Variants in NTN4 observed in about 807,000 individuals in gnomAD.
NTN4 encodes netrin 4.
NTN4 carries 32 observed loss-of-function variants against 73.6 expected under a neutral mutation model. That is an observed-to-expected ratio of 0.44 (90% CI 0.33 to 0.58). The LOEUF is 0.58. Among genes scored for constraint, NTN4 ranks in the 20% least tolerant of loss-of-function variants. The pLI, the probability that NTN4 is intolerant of heterozygous loss-of-function variation, is 0.04. For missense variants in NTN4, 654 were observed against 798.3 expected, an observed-to-expected ratio of 0.82 and a Z score of 2.18; for synonymous variants, 258 against 287.5, an observed-to-expected ratio of 0.90 and a Z score of 1.04.
At chr12:95,693,036 C>A (rs1484083941) in intron 5 of NTN4, among the ~76,000 whole-genome samples, 3 of 151,884 alleles carry the variant, frequency 2.0e-5, no homozygotes, top group Non-Finnish European at 4.4e-5. Context: ...CTAGATGAAA[C>A]GTATTCGTAT....
chr12:95,709,683 A>G (rs966698551), intron 5 of NTN4, among the ~76,000 whole-genome samples: 2 of 151,898 alleles, frequency 1.3e-5, no homozygotes, highest in Admixed American at 1.3e-4. Context: ...ACAGGCCTAC[A>G]GCACCATACC....
chr12:95,709,628 G>A (rs897887482), intron 5 of NTN4, among the ~76,000 whole-genome samples: 8 of 150,448 alleles, frequency 5.3e-5, no homozygotes, highest in Admixed American at 4.6e-4. Flanking sequence ...CTGCCTGCTG[G>A]ATTCAAGCCA....
At chr12:95,759,392 G>C (rs1189018708) in intron 2 of NTN4, among the ~76,000 whole-genome samples, 1 of 151,108 alleles carries the variant, frequency 6.6e-6, no homozygotes, top group African/African-American at 2.4e-5. Context: ...CATCTTTTCT[G>C]TCTGTGATTC....
intron 2 of NTN4, among the ~76,000 whole-genome samples, chr12:95,769,847 C>A (rs901235827): frequency 5.3e-5 from 8 of 149,628 alleles, no homozygotes; most frequent in Non-Finnish European, 1.2e-4. Context: ...ACCTCCATCT[C>A]CTGGGTTCAA....
chr12:95,753,422 T>C (rs1266379881), intron 2 of NTN4, among the ~76,000 whole-genome samples: 2 of 146,884 alleles, frequency 1.4e-5, no homozygotes, highest in African/African-American at 2.5e-5. Context: ...GAAACTAAAA[T>C]ACCTCTTAGT....
chr12:95,738,528 AAGAG>A (rs369546935), intron 2 of NTN4, among the ~76,000 whole-genome samples: 1 of 152,166 alleles, frequency 6.6e-6, no homozygotes, highest in African/African-American at 2.4e-5. Context: ...CCAGTGAACA[AAGAG>A]AGAGTGGCTG....
intron 2 of NTN4, among the ~76,000 whole-genome samples, chr12:95,771,031 C>T (rs1416693168): frequency 2.2e-5 from 3 of 137,818 alleles, no homozygotes; most frequent in African/African-American, 8.7e-5. Flanking sequence ...GCTCTGTCGC[C>T]CAGGCTGGAG....
rs553999410 is a variant in NTN4 at position 95,725,838 on chromosome 12, C to T, written c.864+12028G>A. On this transcript the variant is annotated intron_variant, in intron 3 of 9. Coordinates refer to ENST00000343702, the MANE Select transcript of NTN4 (RefSeq NM_021229.4). ...GGAATACTGGTTTATTAAAAAGTTA[C>T]GCTTGTTTAGAAACTCTATCAGAAT... Among the ~76,000 whole-genome samples the T allele has an allele frequency of 3.1e-4, 47 of 152,170 alleles. 2 individuals carry two copies. Among genetic ancestry groups the T allele is most frequent in the Admixed American group, 2.2e-3 (33 of 15,272 alleles).
chr12:95,751,731 G>C (rs568598160), intron 2 of NTN4, among the ~76,000 whole-genome samples: 8 of 151,652 alleles, frequency 5.3e-5, no homozygotes, highest in South Asian at 2.1e-4. Flanking sequence ...GGAAGGTAAG[G>C]CCGTCCCCTT....
At chr12:95,702,317 A>G (rs1354429731) in intron 5 of NTN4, among the ~76,000 whole-genome samples, 1 of 151,836 alleles carries the variant, frequency 6.6e-6, no homozygotes, top group African/African-American at 2.4e-5. Flanking sequence ...AGAAAAAAAA[A>G]AAAAGAAATC....
intron 5 of NTN4, among the ~76,000 whole-genome samples, chr12:95,692,140 A>G (rs1313554650): frequency 6.6e-6 from 1 of 151,874 alleles, no homozygotes; most frequent in Non-Finnish European, 1.5e-5. Context: ...GGTCCAAGTG[A>G]TTCTCCTGCC....
At chr12:95,727,407 T>C (rs2078703142) in intron 3 of NTN4, among the ~76,000 whole-genome samples, 1 of 152,176 alleles carries the variant, frequency 6.6e-6, no homozygotes, top group Admixed American at 6.5e-5. Flanking sequence ...ATAGCATCCT[T>C]TGATGCACAA....
chr12:95,664,205 C>T (rs2078160775), intron 9 of NTN4, among the ~76,000 whole-genome samples: 1 of 151,982 alleles, frequency 6.6e-6, no homozygotes, highest in Admixed American at 6.6e-5. Flanking sequence ...AGGAATTTGC[C>T]ACCACACCCA....
chr12:95,763,083 T>G (rs888981127), intron 2 of NTN4, among the ~76,000 whole-genome samples: 1 of 152,214 alleles, frequency 6.6e-6, no homozygotes, highest in African/African-American at 2.4e-5. Context: ...AAATACTTGT[T>G]TATTAGTTCA....
At position 95,761,326 on chromosome 12, in the gene NTN4, C is replaced by CTTTTTTTTT. The variant is rs397969115; in HGVS notation, c.586-23191_586-23183dup. ...CCCGAGGCAGGACAAAAGAGATATT[C>CTTTTTTTTT]TTTTTTTTTTTTTTCCCCAAGACGG... is the stretch of plus-strand genomic sequence containing the variant. On this transcript the variant is annotated intron_variant, in intron 2 of 9. Coordinates refer to ENST00000343702, the MANE Select transcript of NTN4 (RefSeq NM_021229.4). Among the ~76,000 whole-genome samples the CTTTTTTTTT allele has an allele frequency of 3.4e-3, 451 of 133,120 alleles. 12 individuals carry two copies. Among genetic ancestry groups the CTTTTTTTTT allele is most frequent in the South Asian group, 0.018 (75 of 4,156 alleles). 87.3% of individuals were successfully genotyped at this position (133,120 alleles called of 152,430 possible). A position where few individuals can be genotyped will look rare whatever the true frequency, so the allele number is the denominator to read the frequency against.
At chr12:95,769,046 G>C (rs1236060499) in intron 2 of NTN4, among the ~76,000 whole-genome samples, 3 of 152,214 alleles carry the variant, frequency 2.0e-5, no homozygotes, top group Non-Finnish European at 4.4e-5. Context: ...AGATGTCAGG[G>C]AGAAGAGAGA....
intron 9 of NTN4, among the ~76,000 whole-genome samples, chr12:95,665,045 A>G (rs1400677484): frequency 6.6e-6 from 1 of 152,112 alleles, no homozygotes; most frequent in Non-Finnish European, 1.5e-5. Context: ...TGTTACCATT[A>G]TCTGGGTACT....
At chr12:95,686,254 C>A (rs1193048411) in intron 5 of NTN4, among the ~76,000 whole-genome samples, 4 of 152,062 alleles carry the variant, frequency 2.6e-5, no homozygotes, top group Non-Finnish European at 5.9e-5. Context: ...CCTCAGGGAA[C>A]TTATAGTCTT....
At chr12:95,713,004 C>T (rs1364241763) in intron 4 of NTN4, among the ~76,000 whole-genome samples, 3 of 151,964 alleles carry the variant, frequency 2.0e-5, no homozygotes, top group Non-Finnish European at 4.4e-5. Flanking sequence ...GCAACATATT[C>T]TTGGCAAAAC....
Sources: allele counts gnomAD v4.1 joint callset (sites outside exome capture counted in the v4.1 genomes callset), GRCh38; gene constraint gnomAD v4.1.1; transcripts MANE v1.5; gene names NCBI Gene and HGNC (gene_info 2026-07-23, HGNC 2026-07-21).